Variants in SNX9 observed in about 807,000 individuals in gnomAD.
SNX9 encodes the protein sorting nexin 9.
SNX9 carries 44 observed loss-of-function variants against 89.4 expected under a neutral mutation model. The ratio of observed to expected loss-of-function variants is 0.49; its 90% CI spans 0.39 to 0.63. The LOEUF is 0.63. SNX9 is among the 30% of genes least tolerant of loss of function. The pLI is 0.00. For synonymous variants in SNX9, 236 were observed against 247.8 expected, an observed-to-expected ratio of 0.95 and a Z score of 0.45; for missense variants, 578 against 736.1, an observed-to-expected ratio of 0.79 and a Z score of 2.49.
intron 1 of SNX9, among the ~76,000 whole-genome samples, chr6:157,866,510 G>A (rs1014835269): frequency 6.6e-6 from 1 of 152,152 alleles, no homozygotes; most frequent in South Asian, 2.1e-4. Context: ...GTAGGTCGAG[G>A]CTGCATTGAC....
At chr6:157,824,041 AT>A (rs1284713041) in intron 1 of SNX9, among the ~76,000 whole-genome samples, 2 of 152,018 alleles carry the variant, frequency 1.3e-5, no homozygotes, top group African/African-American at 4.8e-5. Context: ...CTACCTTTTC[AT>A]TGTGAATGGC....
chr6:157,926,982 G>C (rs534311548), intron 10 of SNX9, 129 bp from the exon 11 acceptor site: 2 of 659,098 alleles, frequency 3.0e-6, no homozygotes, highest in East Asian at 5.5e-5. Flanking sequence ...TGCAGAGGGA[G>C]ATAGAGTGGG....
At chr6:157,867,404 G>T in intron 1 of SNX9, 143 bp from the exon 2 acceptor site, 3 of 599,232 alleles carry the variant, frequency 5.0e-6, no homozygotes. Context: ...AGTCATTTTG[G>T]TAATGTCTTC....
At chr6:157,840,068 TTGGA>T (rs1781665085) in intron 1 of SNX9, among the ~76,000 whole-genome samples, 1 of 151,298 alleles carries the variant, frequency 6.6e-6, no homozygotes, top group African/African-American at 2.4e-5. Context: ...GGGGGTGTCT[TTGGA>T]TCTCGGGAAA....
chr6:157,850,924 A>C (rs1781897785), intron 1 of SNX9, among the ~76,000 whole-genome samples: 1 of 152,186 alleles, frequency 6.6e-6, no homozygotes. Context: ...GGTTTATTCC[A>C]CAATTGTACA....
At chr6:157,824,836 A>G (rs1226975995) in intron 1 of SNX9, among the ~76,000 whole-genome samples, 1 of 152,172 alleles carries the variant, frequency 6.6e-6, no homozygotes, top group Non-Finnish European at 1.5e-5. Flanking sequence ...GACCTTTTTA[A>G]AAATAAAACT....
intron 1 of SNX9, among the ~76,000 whole-genome samples, chr6:157,856,900 T>A (rs977688863): frequency 5.3e-5 from 8 of 152,318 alleles, no homozygotes; most frequent in Admixed American, 2.0e-4. Flanking sequence ...TGCACTATGC[T>A]TAGATGAATT....
At chr6:157,908,676 C>A (rs1024342390) in intron 7 of SNX9, among the ~76,000 whole-genome samples, 2 of 152,130 alleles carry the variant, frequency 1.3e-5, no homozygotes, top group Admixed American at 6.5e-5. Flanking sequence ...GATGAAAAAA[C>A]CAGGTTTGGG....
intron 4 of SNX9, among the ~76,000 whole-genome samples, chr6:157,893,116 T>C (rs1005547792): frequency 1.3e-5 from 2 of 152,176 alleles, no homozygotes; most frequent in African/African-American, 2.4e-5. Flanking sequence ...AATATATTGC[T>C]AAATAGGAGA....
At chr6:157,912,720 A>G (rs1212728991) in intron 9 of SNX9, among the ~76,000 whole-genome samples, 2 of 152,258 alleles carry the variant, frequency 1.3e-5, no homozygotes, top group South Asian at 2.1e-4. Context: ...TCATGAAAAA[A>G]TGTACAGTTA....
intron 1 of SNX9, among the ~76,000 whole-genome samples, chr6:157,825,956 TAA>T (rs1263241550): frequency 8.1e-4 from 123 of 152,304 alleles, no homozygotes; most frequent in African/African-American, 2.9e-3. Context: ...GCTGTTGCTA[TAA>T]GTATTAACTG....
chr6:157,868,264 C>G (rs193209102), intron 2 of SNX9, among the ~76,000 whole-genome samples: 1 of 152,352 alleles, frequency 6.6e-6, no homozygotes, highest in Admixed American at 6.5e-5. Context: ...AGCATTTCTG[C>G]ATCTTTACCA....
intron 1 of SNX9, among the ~76,000 whole-genome samples, chr6:157,824,217 T>G (rs1781298617): frequency 6.6e-6 from 1 of 152,188 alleles, no homozygotes; most frequent in Non-Finnish European, 1.5e-5. Flanking sequence ...TTTATGAAAT[T>G]AGCAGTCACT....
At chr6:157,931,891 A>G (rs1783816796) in intron 12 of SNX9, among the ~76,000 whole-genome samples, 1 of 152,230 alleles carries the variant, frequency 6.6e-6, no homozygotes, top group Non-Finnish European at 1.5e-5. Context: ...CGGTGTCGCT[A>G]GAAGTACTTT....
At chr6:157,888,600 C>T (rs549162452) in intron 4 of SNX9, among the ~76,000 whole-genome samples, 24 of 152,208 alleles carry the variant, frequency 1.6e-4, no homozygotes, top group South Asian at 1.0e-3. Context: ...TTGGTTGTGT[C>T]GAAAGTCTCA....
chr6:157,832,218 T>G (rs1219377353), intron 1 of SNX9, among the ~76,000 whole-genome samples: 1 of 152,220 alleles, frequency 6.6e-6, no homozygotes, highest in African/African-American at 2.4e-5. Flanking sequence ...AGTCACAGAT[T>G]TGTGATTGTT....
At chr6:157,881,075 G>A (rs1179540481) in intron 4 of SNX9, among the ~76,000 whole-genome samples, 1 of 152,116 alleles carries the variant, frequency 6.6e-6, no homozygotes, top group Non-Finnish European at 1.5e-5. Flanking sequence ...GACAGATAAT[G>A]CATTATTTAC....
In SNX9 at chr6:157,875,223, CAG is replaced by C. The variant is rs376283716; in HGVS notation, c.300+50_300+51del. The C allele has an allele frequency of 1.4e-4, 219 of 1,580,164 alleles. No homozygotes were observed. In the East Asian group the frequency reaches 4.0e-3, roughly 29 times the overall value. On this transcript the variant is annotated intron_variant, in intron 4 of 17. Transcript: ENST00000392185. ...TGGATGTGGCTGGCTTTACGGAAAA[CAG>C]AGCGTATTTGTGAAGGCTTGTGATG...
intron 1 of SNX9, chr6:157,830,293 G>A (rs937486593): frequency 6.6e-6 from 1 of 152,094 alleles, no homozygotes; most frequent in Non-Finnish European, 1.5e-5. Flanking sequence ...TGTCTCTTAG[G>A]TATGAAAATT....
Sources: gnomAD v4.1 joint callset for allele counts (sites outside exome capture counted in the v4.1 genomes callset) on GRCh38, gnomAD v4.1.1 for gene constraint, MANE v1.5 for transcripts, NCBI Gene and HGNC (gene_info 2026-07-23, HGNC 2026-07-21) for gene names.